IGF1R: variants seen among roughly 807,000 people sequenced by gnomAD.
The protein encoded by IGF1R is insulin like growth factor 1 receptor, also known as insulin-like growth factor 1 receptor.
A neutral mutation model predicts 144.6 loss-of-function variants in IGF1R; 44 were observed. That is an observed-to-expected ratio of 0.30 (90% CI 0.24 to 0.39). IGF1R has a LOEUF of 0.39. Ranked by LOEUF, IGF1R falls within the 10% of genes least tolerant of loss-of-function variation. IGF1R has a pLI of 1.00. For missense variants in IGF1R, 1,355 were observed against 1,833.7 expected (o/e 0.74, Z 4.77); for synonymous variants, 795 against 722.8 (o/e 1.10, Z -1.60).
rs754639884 is a variant in IGF1R, at chr15:98,916,020, G to T, written c.1885G>T (p.Val629Leu). 1 of 1,613,888 alleles carries T rather than the reference G, an allele frequency of 6.2e-7. No individual in the cohort carries two copies. The highest frequency in any genetic ancestry group is 1.3e-5 in the African/African-American group (1 of 74,862). The stretch of plus-strand genomic sequence containing the variant: ...ATCGAACTCCTCTTCTCAGTTAATC[G>T]TGAAGTGGAACCCTCCCTCTCTGCC... ...SASNSSSQLIVKWNPPSLPNG... is the reference protein window; with the variant it reads ...SASNSSSQLILKWNPPSLPNG... Residue 629 changes from valine (V) to leucine (L), a missense_variant, in exon 9 of 21, where the codon GTG becomes TTG. Around this residue, in one of 7 missense-constraint regions of IGF1R, gnomAD observed 880 missense variants for 1,202.7 expected, o/e 0.73. Coordinates refer to ENST00000650285, the MANE Select transcript of IGF1R (RefSeq NM_000875.5).
At chr15:98,662,232 C>T (rs929785804) in intron 1 of IGF1R, among the ~76,000 whole-genome samples, 5 of 151,958 alleles carry the variant, frequency 3.3e-5, no homozygotes, top group African/African-American at 9.7e-5. Context: ...CCACCGACCT[C>T]GGCCTCCCAT....
Position 98,891,758 on chromosome 15 carries a change from G to A in IGF1R, c.953+121G>A. ...CAGCCCTCAGGAAGTTCACTGAGGTGGGTCATTTTGAGAGGGCTGGCTTAC... is the reference window on the plus strand; with the variant it reads ...CAGCCCTCAGGAAGTTCACTGAGGTAGGTCATTTTGAGAGGGCTGGCTTAC... On this transcript the variant is annotated intron_variant, in intron 3 of 20. Transcript: ENST00000650285. The surrounding 1 kb of genome is among the most constrained non-coding windows in gnomAD (Gnocchi z 4.7). 1 of 948,536 alleles carries A rather than the reference G, an allele frequency of 1.1e-6. No homozygotes were observed. Among genetic ancestry groups the A allele is most frequent in the Non-Finnish European group, 1.6e-6 (1 of 620,500 alleles). The allele number at this position is 948,536 out of a possible 1,614,324, so 58.8% of individuals were successfully genotyped here. A position where few individuals can be genotyped will look rare whatever the true frequency, so the allele number is the denominator to read the frequency against.
At chr15:98,723,964 G>A (rs28569420) in intron 2 of IGF1R, among the ~76,000 whole-genome samples, 2 of 152,108 alleles carry the variant, frequency 1.3e-5, no homozygotes, top group Admixed American at 6.5e-5. Flanking sequence ...TTATGGCAGC[G>A]AGGGCAAATT....
chr15:98,811,005 A>G (rs1329373217), intron 2 of IGF1R, among the ~76,000 whole-genome samples: 1 of 152,010 alleles, frequency 6.6e-6, no homozygotes, highest in East Asian at 1.9e-4. Flanking sequence ...AGAATGTTAG[A>G]AAATTCTTTC....
At position 98,962,465 on chromosome 15, in the gene IGF1R, A is replaced by C. The variant is rs577260972; in HGVS notation, c.*5023A>C. 3.4e-5 allele frequency: 8 copies of C among 233,782 alleles called. No individual in the cohort carries two copies. In the Middle Eastern group the frequency reaches 6.4e-3, roughly 186 times the overall value. 14.5% of individuals were successfully genotyped at this position (233,782 alleles called of 1,614,324 possible). On this transcript the variant is annotated 3_prime_UTR_variant, in exon 21 of 21. Transcript: ENST00000650285. ...TCACTCTGAAGTAGCTGGTGGTACA[A>C]ATGAGAACTTCAAGAGAGGATGTTA... is the stretch of plus-strand genomic sequence containing the variant.
At chr15:98,869,060 T>G (rs1449191862) in intron 2 of IGF1R, among the ~76,000 whole-genome samples, 2 of 152,202 alleles carry the variant, frequency 1.3e-5, no homozygotes, top group African/African-American at 2.4e-5. Context: ...ACTGCTCATC[T>G]CCTAAAAGTG....
intron 2 of IGF1R, among the ~76,000 whole-genome samples, chr15:98,843,623 C>T (rs1567157252): frequency 6.6e-6 from 1 of 152,092 alleles, no homozygotes; most frequent in Non-Finnish European, 1.5e-5. Flanking sequence ...AGCTTTTCTT[C>T]CTTCTTACCT....
intron 2 of IGF1R, among the ~76,000 whole-genome samples, chr15:98,730,047 A>G (rs760479681): frequency 8.5e-5 from 13 of 152,168 alleles, no homozygotes; most frequent in Admixed American, 6.5e-5. Context: ...TAATTTCTCA[A>G]ATATGGTTCT....
intron 1 of IGF1R, among the ~76,000 whole-genome samples, chr15:98,701,398 G>A (rs1030183822): frequency 5.5e-5 from 7 of 127,600 alleles, no homozygotes; most frequent in East Asian, 2.2e-4. Flanking sequence ...GTGCAGTGGC[G>A]TGATCTCAGC....
At chr15:98,888,459 G>GTGTC (rs2013749977) in intron 2 of IGF1R, among the ~76,000 whole-genome samples, 1 of 151,944 alleles carries the variant, frequency 6.6e-6, no homozygotes, top group Non-Finnish European at 1.5e-5. Context: ...GTGTGTGTGT[G>GTGTC]TGTGTGTTTA....
At chr15:98,858,824 A>T (rs1022098847) in intron 2 of IGF1R, among the ~76,000 whole-genome samples, 4 of 152,194 alleles carry the variant, frequency 2.6e-5, no homozygotes, top group African/African-American at 9.7e-5. Context: ...TGAACAGCCA[A>T]ACTTCCTCTT....
chr15:98,848,184 T>C (rs1031644326), intron 2 of IGF1R, among the ~76,000 whole-genome samples: 3 of 152,212 alleles, frequency 2.0e-5, no homozygotes, highest in African/African-American at 7.2e-5. Context: ...ACCTCTAGGT[T>C]TGAAAAATAC....
Position 98,840,494 on chromosome 15 carries a change from G to A in IGF1R, c.641-50831G>A, listed in dbSNP as rs75965683. On this transcript the variant is annotated intron_variant, in intron 2 of 20. Transcript: ENST00000650285. ...AGATGGAGTCTCACTCTGTCACCCCGGCTGGAGCGCAGTAGTGCAGTCGTG... is the reference window on the plus strand; with the variant it reads ...AGATGGAGTCTCACTCTGTCACCCCAGCTGGAGCGCAGTAGTGCAGTCGTG... Among the ~76,000 whole-genome samples the A allele has an allele frequency of 3.9e-3, 593 of 152,180 alleles. 2 individuals carry two copies. Among genetic ancestry groups the A allele is most frequent in the African/African-American group, 0.014 (565 of 41,516 alleles).
intron 1 of IGF1R, among the ~76,000 whole-genome samples, chr15:98,703,423 ATCAT>A (rs1555433628): frequency 6.6e-6 from 1 of 151,994 alleles, no homozygotes; most frequent in Non-Finnish European, 1.5e-5. Context: ...GAACGCTGCT[ATCAT>A]TCATGGTCCA....
At chr15:98,659,535 C>A (rs560512288) in intron 1 of IGF1R, among the ~76,000 whole-genome samples, 1 of 152,180 alleles carries the variant, frequency 6.6e-6, no homozygotes, top group East Asian at 1.9e-4. Context: ...GTGGATACTA[C>A]AGACTTCTGT....
At chr15:98,761,302 C>T (rs2055289842) in intron 2 of IGF1R, among the ~76,000 whole-genome samples, 1 of 152,176 alleles carries the variant, frequency 6.6e-6, no homozygotes, top group Admixed American at 6.5e-5. Flanking sequence ...CAAGCTTTTG[C>T]TGAGTCCTAC....
chr15:98,907,874 G>C (rs1043216659), intron 5 of IGF1R, among the ~76,000 whole-genome samples: 2 of 152,228 alleles, frequency 1.3e-5, no homozygotes, highest in Admixed American at 1.3e-4. Context: ...CTAGATTGCT[G>C]GTTCTCCACG....
Position 98,963,579 on chromosome 15 carries a change from C to G in IGF1R, c.*6137C>G. On this transcript the variant is annotated 3_prime_UTR_variant, in exon 21 of 21. Coordinates refer to ENST00000650285, the MANE Select transcript of IGF1R (RefSeq NM_000875.5). ...GGTCTGGCTGCCGTCATTGTCAGCA[C>G]AGTGCCATGGACATGGGAAGACTTG... The G allele has an allele frequency of 4.3e-6, 1 of 233,278 alleles. No homozygotes were observed. The highest frequency in any genetic ancestry group is 8.5e-6 in the Non-Finnish European group (1 of 118,050). The allele number at this position is 233,278 out of a possible 1,614,324, so 14.5% of individuals were successfully genotyped here. A position where few individuals can be genotyped will look rare whatever the true frequency, so the allele number is the denominator to read the frequency against.
At chr15:98,890,084 A>G in intron 2 of IGF1R, among the ~76,000 whole-genome samples, 1 of 152,330 alleles carries the variant, frequency 6.6e-6, no homozygotes, top group South Asian at 2.1e-4. Flanking sequence ...ATTTCACTTT[A>G]GCACACGAAG....
Sources: allele counts gnomAD v4.1 joint callset (sites outside exome capture counted in the v4.1 genomes callset), GRCh38; gene constraint gnomAD v4.1.1; regional missense constraint gnomAD v4.1.1; non-coding constraint Gnocchi (gnomAD v3.1); transcripts MANE v1.5; gene names NCBI Gene and HGNC (gene_info 2026-07-23, HGNC 2026-07-21).